FYB1: variants seen among roughly 807,000 people sequenced by gnomAD.
The protein encoded by FYB1 is FYN binding protein 1.
A neutral mutation model predicts 94.1 loss-of-function variants in FYB1; 41 were observed. The observed-to-expected ratio is 0.44, with a 90% CI of 0.34 to 0.57. The LOEUF is 0.57. Among genes scored for constraint, FYB1 ranks in the 20% least tolerant of loss-of-function variants. FYB1 has a pLI of 0.02. For missense variants in FYB1, 1,050 were observed against 976.8 expected (o/e 1.07, Z -1.00); for synonymous variants, 367 against 353.2 (o/e 1.04, Z -0.44).
intron 2 of FYB1, among the ~76,000 whole-genome samples, chr5:39,181,746 C>T (rs1227336650): frequency 2.6e-5 from 4 of 152,282 alleles, no homozygotes; most frequent in Admixed American, 2.0e-4. Context: ...CATTCTCATC[C>T]ACACAACCAA....
At chr5:39,185,943 C>A (rs934626614) in intron 2 of FYB1, among the ~76,000 whole-genome samples, 4 of 152,048 alleles carry the variant, frequency 2.6e-5, no homozygotes, top group African/African-American at 9.7e-5. Flanking sequence ...TACGAGTGAG[C>A]CCTTGAGTGG....
rs1740620298 is a variant in FYB1 at position 39,125,936 on chromosome 5, C to T, written c.2045+62G>A. 14 of 1,479,406 alleles carry T rather than the reference C, an allele frequency of 9.5e-6. No homozygotes were observed. The South Asian group carries it at 1.7e-4, about 18-fold the overall frequency. The allele number at this position is 1,479,406 out of a possible 1,614,324, so 91.6% of individuals were successfully genotyped here. A position where few individuals can be genotyped will look rare whatever the true frequency, so the allele number is the denominator to read the frequency against. On this transcript the variant is annotated intron_variant, in intron 12 of 18. Transcript: ENST00000512982. Reference sequence around the variant, plus strand: ...GTTATTGGTTATAGAATATTAGTAGCATTTGATTCAATACATATTAGTGTA... The same window carrying T: ...GTTATTGGTTATAGAATATTAGTAGTATTTGATTCAATACATATTAGTGTA...
chr5:39,135,077 G>A (rs1393809407), intron 7 of FYB1, 63 bp from the exon 8 acceptor site: 7 of 1,554,530 alleles, frequency 4.5e-6, no homozygotes, highest in Admixed American at 1.8e-5. Flanking sequence ...TTTAAGGAAT[G>A]CAATTTTGAA....
At chr5:39,210,058 G>A (rs1378773922) in intron 1 of FYB1, among the ~76,000 whole-genome samples, 2 of 152,216 alleles carry the variant, frequency 1.3e-5, no homozygotes, top group African/African-American at 2.4e-5. Context: ...TTCTTGGGGC[G>A]GGAGCCCTTT....
intron 1 of FYB1, among the ~76,000 whole-genome samples, chr5:39,255,804 G>A (rs1258328730): frequency 1.3e-5 from 2 of 152,096 alleles, no homozygotes; most frequent in Non-Finnish European, 2.9e-5. Flanking sequence ...AAATCCAGTG[G>A]GTCTATTAAT....
At chr5:39,146,946 A>C (rs1178731405) in intron 3 of FYB1, among the ~76,000 whole-genome samples, 1 of 152,212 alleles carries the variant, frequency 6.6e-6, no homozygotes, top group Non-Finnish European at 1.5e-5. Context: ...GTAAATCCAG[A>C]TCAAACTGTC....
chr5:39,189,848 AG>A (rs1747194516), intron 2 of FYB1, among the ~76,000 whole-genome samples: 2 of 152,216 alleles, frequency 1.3e-5, no homozygotes, highest in South Asian at 4.1e-4. Context: ...GTGAAAACTA[AG>A]GGAAACTGCT....
At chr5:39,111,302 C>G (rs1739057713) in intron 16 of FYB1, among the ~76,000 whole-genome samples, 1 of 151,950 alleles carries the variant, frequency 6.6e-6, no homozygotes, top group East Asian at 1.9e-4. Flanking sequence ...AATACAATCT[C>G]TAAATAATTT....
intron 1 of FYB1, among the ~76,000 whole-genome samples, chr5:39,255,288 C>T (rs777714179): frequency 5.9e-5 from 9 of 152,090 alleles, no homozygotes; most frequent in South Asian, 2.1e-4. Flanking sequence ...TTCCCTTCCA[C>T]GCTTTTTAAA....
At chr5:39,137,563 A>G in intron 7 of FYB1, 37 bp downstream of exon 7, 2 of 1,524,990 alleles carry the variant, frequency 1.3e-6, no homozygotes, top group Non-Finnish European at 1.8e-6. Flanking sequence ...GTATAAAAAG[A>G]TGTTATTCTT....
At position 39,203,813 on chromosome 5, in the gene FYB1, C is replaced by T. The variant is rs116439879; in HGVS notation, c.-27-826G>A. The stretch of plus-strand genomic sequence containing the variant: ...TCTCAGAGGTGCTTTTACTGAGTCT[C>T]CCCTGCTTGTCTAGAATTTAGGTAT... On this transcript the variant is annotated intron_variant, in intron 1 of 18. Coordinates refer to ENST00000512982, the MANE Select transcript of FYB1 (RefSeq NM_001465.6). Among the ~76,000 whole-genome samples, 312 of 152,166 alleles carry T rather than the reference C, an allele frequency of 2.1e-3. 1 individual carries two copies. Among genetic ancestry groups the T allele is most frequent in the African/African-American group, 7.2e-3 (300 of 41,514 alleles).
At chr5:39,250,702 A>G (rs538943140) in intron 1 of FYB1, 1 of 152,204 alleles carries the variant, frequency 6.6e-6, no homozygotes, top group East Asian at 1.9e-4. Context: ...CAATCACACT[A>G]TCCTGGGACG....
intron 1 of FYB1, among the ~76,000 whole-genome samples, chr5:39,226,883 A>G (rs2150563872): frequency 6.6e-6 from 1 of 152,336 alleles, no homozygotes; most frequent in South Asian, 2.1e-4. Context: ...TTAGGCCCTC[A>G]ATAAATGTCA....
intron 1 of FYB1, among the ~76,000 whole-genome samples, chr5:39,205,739 C>T (rs1029777390): frequency 5.3e-5 from 8 of 152,162 alleles, no homozygotes; most frequent in African/African-American, 1.9e-4. Context: ...GTTAATAGCA[C>T]AGGCTCTGGG....
chr5:39,175,214 C>A (rs746706247), intron 2 of FYB1, among the ~76,000 whole-genome samples: 1 of 152,188 alleles, frequency 6.6e-6, no homozygotes, highest in Non-Finnish European at 1.5e-5. Context: ...GGCTATTCAA[C>A]CTTCTTTAAG....
At chr5:39,248,268 A>G (rs1751571149) in intron 1 of FYB1, among the ~76,000 whole-genome samples, 1 of 152,228 alleles carries the variant, frequency 6.6e-6, no homozygotes, top group African/African-American at 2.4e-5. Flanking sequence ...ACAAATGCAG[A>G]CAAGGATGCT....
intron 1 of FYB1, among the ~76,000 whole-genome samples, chr5:39,243,624 G>T (rs942008019): frequency 2.0e-5 from 3 of 152,084 alleles, no homozygotes; most frequent in African/African-American, 4.8e-5. Context: ...GGCAATGCAG[G>T]CTCTTTTTTG....
chr5:39,126,338 A>AT (rs76502274), intron 11 of FYB1, among the ~76,000 whole-genome samples: 9 of 151,448 alleles, frequency 5.9e-5, no homozygotes, highest in South Asian at 2.1e-4. Flanking sequence ...GAACCTGATC[A>AT]TTTTTTTTTC....
chr5:39,192,328 A>T (rs1047601789), intron 2 of FYB1, among the ~76,000 whole-genome samples: 7 of 152,158 alleles, frequency 4.6e-5, no homozygotes, highest in African/African-American at 1.7e-4. Flanking sequence ...TGCTTTTAAT[A>T]TTTTAGAGGT....
Sources: allele counts gnomAD v4.1 joint callset (sites outside exome capture counted in the v4.1 genomes callset), GRCh38; gene constraint gnomAD v4.1.1; transcripts MANE v1.5; gene names NCBI Gene and HGNC (gene_info 2026-07-23, HGNC 2026-07-21).